DPP6: variants seen among roughly 807,000 people sequenced by gnomAD.
DPP6 encodes the protein A-type potassium channel modulatory protein DPP6.
In DPP6, 69 loss-of-function variants were observed where a neutral mutation model predicts 122.6. The observed-to-expected ratio is 0.56, with a 90% CI of 0.46 to 0.69. DPP6 has a LOEUF of 0.69. DPP6 is among the 30% of genes least tolerant of loss of function. The pLI is 0.00. For synonymous variants in DPP6, 418 were observed against 433.1 expected, an observed-to-expected ratio of 0.97 and a Z score of 0.43; for missense variants, 928 against 1,116.9, an observed-to-expected ratio of 0.83 and a Z score of 2.41.
chr7:154,558,315 A>G (rs552626136), intron 4 of DPP6, among the ~76,000 whole-genome samples: 4 of 152,230 alleles, frequency 2.6e-5, no homozygotes, highest in Non-Finnish European at 2.9e-5. Flanking sequence ...AGAACAAAAT[A>G]AAACTCCAAG....
In DPP6 at chr7:154,892,902, C is replaced by G. The variant is rs779776497; in HGVS notation, c.*422C>G. 3.8e-6 allele frequency: 2 copies of G among 525,370 alleles called. No homozygotes were observed. The highest frequency in any genetic ancestry group is 7.6e-6 in the Non-Finnish European group (2 of 264,338). The allele number at this position is 525,370 out of a possible 1,614,324, so 32.5% of individuals were successfully genotyped here. On this transcript the variant is annotated 3_prime_UTR_variant, in exon 26 of 26. Transcript: ENST00000377770. ...GTTAGGGACATCACACCCTGTCTCA[C>G]GTCGCAGTGCCATGGACGCAGCAGT...
chr7:154,560,491 A>C (rs1241133522), intron 4 of DPP6, among the ~76,000 whole-genome samples: 1 of 152,222 alleles, frequency 6.6e-6, no homozygotes, highest in Non-Finnish European at 1.5e-5. Flanking sequence ...AGCTCCCCTT[A>C]ATACTCCTGG....
chr7:154,255,179 C>T (rs1563374740), intron 1 of DPP6, among the ~76,000 whole-genome samples: 1 of 152,116 alleles, frequency 6.6e-6, no homozygotes. Flanking sequence ...GGTGGAGGCA[C>T]AGGCGGCTGT....
intron 1 of DPP6, among the ~76,000 whole-genome samples, chr7:154,143,175 G>T (rs1795927745): frequency 1.3e-5 from 2 of 152,032 alleles, no homozygotes; most frequent in Middle Eastern, 3.4e-3. Context: ...AGTCCTGAAA[G>T]GAGAGAGAGG....
At chr7:154,406,966 C>T (rs373740212) in intron 1 of DPP6, among the ~76,000 whole-genome samples, 26 of 152,346 alleles carry the variant, frequency 1.7e-4, no homozygotes, top group African/African-American at 5.8e-4. Context: ...TGATCATCCA[C>T]TAATAGCTCA....
chr7:154,245,913 A>T (rs10269026), intron 1 of DPP6, among the ~76,000 whole-genome samples: 17,048 of 152,174 alleles, frequency 0.11, 1,212 homozygotes, highest in African/African-American at 0.19. Context: ...TATATAGAAT[A>T]AAGAACATAG....
intron 1 of DPP6, among the ~76,000 whole-genome samples, chr7:154,127,597 TCA>T (rs71182879): frequency 0.37 from 50,078 of 136,794 alleles, 10,209 homozygotes; most frequent in Non-Finnish European, 0.46. Context: ...GAGCAGCATC[TCA>T]CACACACACA....
chr7:154,124,170 C>G (rs1807710461), intron 1 of DPP6, among the ~76,000 whole-genome samples: 1 of 152,194 alleles, frequency 6.6e-6, no homozygotes, highest in Non-Finnish European at 1.5e-5. Flanking sequence ...GTTTATTTGT[C>G]TCTCCCACCA....
intron 1 of DPP6, among the ~76,000 whole-genome samples, chr7:154,283,594 A>G (rs1804666404): frequency 6.6e-6 from 1 of 152,194 alleles, no homozygotes. Flanking sequence ...TATTTGAGAC[A>G]AACAATAAAG....
chr7:154,485,230 G>C (rs1425642012), intron 3 of DPP6, among the ~76,000 whole-genome samples: 1 of 152,168 alleles, frequency 6.6e-6, no homozygotes, highest in Non-Finnish European at 1.5e-5. Context: ...AGTGTTTGGA[G>C]AGCATAACAG....
At chr7:154,194,480 A>G (rs895405672) in intron 1 of DPP6, among the ~76,000 whole-genome samples, 2 of 152,202 alleles carry the variant, frequency 1.3e-5, no homozygotes, top group Non-Finnish European at 2.9e-5. Context: ...CCCTCAATCA[A>G]GATGCTGAAT....
rs889570475 is a variant in DPP6 at position 154,241,909 on chromosome 7, C to T, written c.243+188846C>T. 2.6e-5 allele frequency among the ~76,000 whole-genome samples: 4 copies of T among 152,190 alleles called. No individual in the cohort carries two copies. The highest frequency in any genetic ancestry group is 2.1e-4 in the South Asian group (1 of 4,826). ...ACTCATCCTACTTACCTTCCTCTGG[C>T]ATTCACAGAGGGCTGAGTTTCTAGT... On this transcript the variant is annotated intron_variant, in intron 1 of 25. Transcript: ENST00000377770. This position sits in a 1 kb window ranked among gnomAD's most constrained non-coding sequence, Gnocchi z 9.0.
chr7:154,684,053 G>A (rs1472165780), intron 7 of DPP6, among the ~76,000 whole-genome samples: 2 of 152,012 alleles, frequency 1.3e-5, no homozygotes, highest in African/African-American at 4.8e-5. Flanking sequence ...ATTTTTTGTA[G>A]AGATGGGGGT....
Position 154,282,638 on chromosome 7 carries a change from CGCATATGTTGCAT to C in DPP6, c.244-163573_244-163561del, listed in dbSNP as rs1804597531. Among the ~76,000 whole-genome samples the C allele has an allele frequency of 1.3e-5, 2 of 152,214 alleles. No homozygotes were observed. Among genetic ancestry groups the C allele is most frequent in the Non-Finnish European group, 2.9e-5 (2 of 67,998 alleles). ...TGTCTCCTTTGAGTTGCTATCAAATCGCATATGTTGCATGCTTACTTGAAAGGAATTTGCACAG... is the reference window on the plus strand; with the variant it reads ...TGTCTCCTTTGAGTTGCTATCAAATCGCTTACTTGAAAGGAATTTGCACAG... On this transcript the variant is annotated intron_variant, in intron 1 of 25. Transcript: ENST00000377770. This position sits in a 1 kb window ranked among gnomAD's most constrained non-coding sequence, Gnocchi z 4.8.
intron 3 of DPP6, among the ~76,000 whole-genome samples, chr7:154,494,982 G>C (rs1824604288): frequency 6.6e-6 from 1 of 152,190 alleles, no homozygotes; most frequent in Admixed American, 6.5e-5. Flanking sequence ...CCTGCTGTAG[G>C]AGCTTAGAGA....
At chr7:154,847,419 T>C (rs1451895852) in intron 16 of DPP6, among the ~76,000 whole-genome samples, 1 of 152,232 alleles carries the variant, frequency 6.6e-6, no homozygotes, top group African/African-American at 2.4e-5. Flanking sequence ...AGGGAAGGAA[T>C]GCAAATGACA....
At chr7:154,275,716 T>C (rs1263542770) in intron 1 of DPP6, among the ~76,000 whole-genome samples, 1 of 152,230 alleles carries the variant, frequency 6.6e-6, no homozygotes, top group East Asian at 1.9e-4. Context: ...TGCTCCATAC[T>C]CTGTGAGACG....
chr7:154,885,598 G>A, intron 21 of DPP6, 35 bp from the exon 22 acceptor site: 1 of 1,551,170 alleles, frequency 6.4e-7, no homozygotes, highest in South Asian at 1.2e-5. Flanking sequence ...TTACTGCCAG[G>A]ACTCCTAACT....
At chr7:153,981,147 G>A (rs1796565058) in intron 1 of DPP6, among the ~76,000 whole-genome samples, 1 of 152,166 alleles carries the variant, frequency 6.6e-6, no homozygotes, top group African/African-American at 2.4e-5. Context: ...ACAGTGAGAT[G>A]TTGAAGTATC....
Sources: gnomAD v4.1 joint callset for allele counts (sites outside exome capture counted in the v4.1 genomes callset) on GRCh38, gnomAD v4.1.1 for gene constraint, Gnocchi (gnomAD v3.1) non-coding constraint, MANE v1.5 for transcripts, NCBI Gene and HGNC (gene_info 2026-07-23, HGNC 2026-07-21) for gene names.